The following LRRK2 variants were observed in gnomAD, a reference collection of about 807,000 sequenced individuals.
LRRK2 encodes the protein leucine rich repeat kinase 2.
Under a neutral mutation model 302.6 loss-of-function variants are expected in LRRK2, and 203 were observed. The ratio of observed to expected loss-of-function variants is 0.67; its 90% confidence interval spans 0.60 to 0.75. LRRK2 has a LOEUF of 0.75. Among genes scored for constraint, LRRK2 ranks in the 30% least tolerant of loss-of-function variants. The probability of loss-of-function intolerance (pLI) is 0.00; values close to 1 mark genes in which losing one functional copy is unlikely to be tolerated. For missense variants in LRRK2, 2,830 were observed against 2,951.0 expected (o/e 0.96, Z 0.95); for synonymous variants, 1,066 against 1,031.9 (o/e 1.03, Z -0.63).
intron 33 of LRRK2, among the ~76,000 whole-genome samples, chr12:40,316,012 G>A (rs1039301087): frequency 1.3e-5 from 2 of 151,932 alleles, no homozygotes; most frequent in African/African-American, 2.4e-5. Context: ...TATTCGAGAC[G>A]TAAGTAGTAT....
At chr12:40,233,623 G>A (rs954903485) in intron 3 of LRRK2, among the ~76,000 whole-genome samples, 1 of 152,098 alleles carries the variant, frequency 6.6e-6, no homozygotes, top group African/African-American at 2.4e-5. Context: ...CATTTGATGA[G>A]GAATTACTCA....
chr12:40,280,771 T>A (rs1344835201), intron 18 of LRRK2, among the ~76,000 whole-genome samples: 2 of 151,800 alleles, frequency 1.3e-5, no homozygotes, highest in Non-Finnish European at 2.9e-5. Flanking sequence ...GGAGACTCTG[T>A]CTCAAAACCA....
intron 41 of LRRK2, 121 bp from the exon 42 acceptor site, chr12:40,346,632 A>AGCCT: frequency 1.1e-6 from 1 of 887,680 alleles, no homozygotes; most frequent in Admixed American, 2.3e-5. Flanking sequence ...AAAATAACAC[A>AGCCT]GCCTGGTTTA....
chr12:40,274,901 A>C lies in LRRK2; in HGVS notation c.1849A>C (p.Lys617Gln). The change falls in exon 16 of 51, where the codon AAG (lysine) becomes CAG (glutamine). Residue 617 changes from lysine (K) to glutamine (Q), a missense_variant. This residue lies in a region of LRRK2 where 2,121 missense variants were observed against 2,148.0 expected (regional missense o/e 0.99). Coordinates refer to ENST00000298910, the MANE Select transcript of LRRK2 (RefSeq NM_198578.4). ...LSLIGYLITK[K>Q]NVFIGTGHLL... ...TCTTATAGGATACTTGATTACAAAG[A>C]AGAATGTGTTCATAGGAACTGGACA... The C allele has an allele frequency of 6.2e-7, 1 of 1,613,134 alleles. No individual in the cohort carries two copies. The highest frequency in any genetic ancestry group is 8.5e-7 in the Non-Finnish European group (1 of 1,179,174).
chr12:40,262,458 AT>A (rs1942816885), intron 13 of LRRK2, among the ~76,000 whole-genome samples: 1 of 152,098 alleles, frequency 6.6e-6, no homozygotes, highest in Non-Finnish European at 1.5e-5. Context: ...CAGAGTAGGC[AT>A]TTTAAAATAA....
chr12:40,240,722 A>G, intron 6 of LRRK2, 105 bp downstream of exon 6: 2 of 1,096,842 alleles, frequency 1.8e-6, no homozygotes, highest in East Asian at 2.6e-5. Context: ...AAACTTGTGG[A>G]TGCTCAACCC....
chr12:40,310,306 C>T (rs1351776992), intron 30 of LRRK2, 125 bp from the exon 31 acceptor site: 19 of 894,202 alleles, frequency 2.1e-5, no homozygotes, highest in Non-Finnish European at 3.3e-5. Flanking sequence ...TTCTTTTCTT[C>T]TTCTGAAGTC....
chr12:40,340,505 T>G (rs754855997), intron 41 of LRRK2, 51 bp downstream of exon 41: 9 of 1,581,300 alleles, frequency 5.7e-6, no homozygotes, highest in Non-Finnish European at 7.8e-6. Context: ...GGATAACCAC[T>G]GACCTCAGAT....
chr12:40,315,314 A>G lies in LRRK2; in HGVS notation c.4827+14A>G, dbSNP rs200876659. On this transcript the variant is annotated intron_variant, in intron 33 of 50. Coordinates refer to ENST00000298910, the MANE Select transcript of LRRK2 (RefSeq NM_198578.4). ...ATCATGGCACAGGTTGGTGTCTTTT[A>G]TTTTTGTGGCACGGGGGTTATGGTC... 6.2e-7 allele frequency: 1 copy of G among 1,600,790 alleles called. No homozygotes were observed. The highest frequency in any genetic ancestry group is 8.6e-7 in the Non-Finnish European group (1 of 1,168,078).
At chr12:40,289,862 A>G (rs1389530507) in intron 20 of LRRK2, among the ~76,000 whole-genome samples, 1 of 151,870 alleles carries the variant, frequency 6.6e-6, no homozygotes, top group African/African-American at 2.4e-5. Flanking sequence ...TTTGTTCACA[A>G]TTATACCATT....
chr12:40,248,803 G>A (rs1389051919), intron 7 of LRRK2, among the ~76,000 whole-genome samples: 2 of 152,146 alleles, frequency 1.3e-5, no homozygotes, highest in Non-Finnish European at 2.9e-5. Flanking sequence ...GGGTATAATA[G>A]GGAAAAGAGA....
rs1946957064 is a variant in LRRK2, at chr12:40,368,897, T to C, written c.*1132T>C. The C allele has an allele frequency of 6.6e-6, 1 of 151,906 alleles. No individual in the cohort carries two copies. Among genetic ancestry groups the C allele is most frequent in the South Asian group, 2.1e-4 (1 of 4,832 alleles). 9.4% of individuals were successfully genotyped at this position (151,906 alleles called of 1,614,324 possible). A position where few individuals can be genotyped will look rare whatever the true frequency, so the allele number is the denominator to read the frequency against. ...CAGGGCCAAATACCTATGTAATAATTTGAGGTCATTTCTGCTTTAGGAAAA... is the reference window on the plus strand; with the variant it reads ...CAGGGCCAAATACCTATGTAATAATCTGAGGTCATTTCTGCTTTAGGAAAA... On this transcript the variant is annotated 3_prime_UTR_variant, in exon 51 of 51. Transcript: ENST00000298910.
At chr12:40,252,271 C>A (rs1281248205) in intron 10 of LRRK2, among the ~76,000 whole-genome samples, 1 of 152,088 alleles carries the variant, frequency 6.6e-6, no homozygotes, top group Non-Finnish European at 1.5e-5. Flanking sequence ...GAAATCTTGA[C>A]CGTCTATTTG....
intron 14 of LRRK2, among the ~76,000 whole-genome samples, chr12:40,270,359 C>T (rs1466920781): frequency 1.3e-5 from 2 of 151,948 alleles, no homozygotes; most frequent in Non-Finnish European, 2.9e-5. Context: ...TTACTCCTAC[C>T]GTTATTTGGA....
At chr12:40,311,114 T>C (rs1945022556) in intron 31 of LRRK2, among the ~76,000 whole-genome samples, 1 of 152,158 alleles carries the variant, frequency 6.6e-6, no homozygotes, top group Non-Finnish European at 1.5e-5. Context: ...CACTCATTCA[T>C]GAATTTTGTC....
chr12:40,244,705 C>G (rs1039025495), intron 7 of LRRK2, among the ~76,000 whole-genome samples: 1 of 129,538 alleles, frequency 7.7e-6, no homozygotes, highest in Admixed American at 9.5e-5. Context: ...AATACCTTCC[C>G]TTGAACATCA....
rs191229826 is a variant in LRRK2 at position 40,244,660 on chromosome 12, T to A, written c.838+979T>A. On this transcript the variant is annotated intron_variant, in intron 7 of 50. Coordinates refer to ENST00000298910, the MANE Select transcript of LRRK2 (RefSeq NM_198578.4). Reference sequence around the variant, plus strand: ...TTAAAACCGATTCATAGATTCTGGATAATAATGTTTTGGTGGTAGGTTATA... The same window carrying A: ...TTAAAACCGATTCATAGATTCTGGAAAATAATGTTTTGGTGGTAGGTTATA... Among the ~76,000 whole-genome samples the A allele has an allele frequency of 6.7e-5, 10 of 148,584 alleles. No homozygotes were observed. The East Asian group carries it at 2.0e-3, about 30-fold the overall frequency.
At chr12:40,240,423 A>T in intron 5 of LRRK2, 60 bp from the exon 6 acceptor site, 1 of 1,472,964 alleles carries the variant, frequency 6.8e-7, no homozygotes, top group Non-Finnish European at 9.4e-7. Flanking sequence ...GTAATTTTTG[A>T]ATAATTAAAC....
intron 6 of LRRK2, among the ~76,000 whole-genome samples, chr12:40,241,430 C>G (rs570858631): frequency 6.9e-6 from 1 of 143,990 alleles, no homozygotes; most frequent in Non-Finnish European, 1.5e-5. Flanking sequence ...CCAATGATTG[C>G]TATTAGGCTA....
Sources: gnomAD v4.1 joint callset for allele counts (sites outside exome capture counted in the v4.1 genomes callset) on GRCh38, gnomAD v4.1.1 for gene constraint, gnomAD v4.1.1 regional missense constraint, MANE v1.5 for transcripts, NCBI Gene and HGNC (gene_info 2026-07-23, HGNC 2026-07-21) for gene names.